Variants in CDIN1 observed in about 807,000 individuals in gnomAD.
CDIN1 encodes CDAN1-interacting nuclease 1.
Under a neutral mutation model 45.3 loss-of-function variants are expected in CDIN1, and 33 were observed. The ratio of observed to expected loss-of-function variants is 0.73; its 90% confidence interval spans 0.55 to 0.97. CDIN1 has a LOEUF of 0.97. CDIN1 is among the 50% of genes least tolerant of loss of function. CDIN1 has a pLI of 0.00. For missense variants in CDIN1, 303 were observed against 339.4 expected, an observed-to-expected ratio of 0.89 and a Z score of 0.84; for synonymous variants, 118 against 124.4, an observed-to-expected ratio of 0.95 and a Z score of 0.34.
Position 36,695,498 on chromosome 15 carries a change from G to T in CDIN1, c.477-1825G>T, listed in dbSNP as rs561818866. Among the ~76,000 whole-genome samples the T allele has an allele frequency of 3.3e-5, 5 of 152,164 alleles. No homozygotes were observed. The East Asian group carries it at 7.7e-4, about 24-fold the overall frequency. The stretch of plus-strand genomic sequence containing the variant: ...CTGATTTCATTATTTACCAGCCACG[G>T]GACCTTCAGCAAATTCCCCAGCCTC... On this transcript the variant is annotated intron_variant, in intron 7 of 10. Coordinates refer to ENST00000566621, the MANE Select transcript of CDIN1 (RefSeq NM_001321759.2).
chr15:36,797,880 T>C (rs2054863313), intron 10 of CDIN1, among the ~76,000 whole-genome samples: 1 of 151,106 alleles, frequency 6.6e-6, no homozygotes, highest in Non-Finnish European at 1.5e-5. Flanking sequence ...CTCAGGAGAC[T>C]GAGGCAGGAG....
chr15:36,709,001 G>A lies in CDIN1; in HGVS notation c.545-222G>A, dbSNP rs966629725. On this transcript the variant is annotated intron_variant, in intron 8 of 10. Transcript: ENST00000566621. ...TTGAACTCGTGATGTTTATAATAAC[G>A]AAAACATGCAGAAAAATAATGAAAG... The A allele has an allele frequency of 3.4e-4, 129 of 375,952 alleles. No individual in the cohort carries two copies. In the East Asian group the frequency reaches 4.5e-3, roughly 13 times the overall value. The allele number at this position is 375,952 out of a possible 1,614,324, so 23.3% of individuals were successfully genotyped here. A position where few individuals can be genotyped will look rare whatever the true frequency, so the allele number is the denominator to read the frequency against.
At chr15:36,755,965 A>T (rs1034999444) in intron 10 of CDIN1, 2 of 424,124 alleles carry the variant, frequency 4.7e-6, no homozygotes, top group Non-Finnish European at 4.7e-6. Context: ...GTATTTCGAG[A>T]ATATGGGAGA....
At chr15:36,697,285 A>G (rs1934200544) in intron 7 of CDIN1, 38 bp from the exon 8 acceptor site, 25 of 1,584,408 alleles carry the variant, frequency 1.6e-5, no homozygotes, top group Non-Finnish European at 2.2e-5. Flanking sequence ...TGCTGGTATA[A>G]TTCTGCCTGT....
chr15:36,676,022 C>T (rs192266967), intron 5 of CDIN1, among the ~76,000 whole-genome samples: 3 of 151,962 alleles, frequency 2.0e-5, no homozygotes, highest in African/African-American at 4.8e-5. Flanking sequence ...AATTGAATAG[C>T]GGTGTTTTCC....
chr15:36,688,455 C>T (rs2042135583), intron 5 of CDIN1, among the ~76,000 whole-genome samples: 1 of 152,164 alleles, frequency 6.6e-6, no homozygotes, highest in Admixed American at 6.6e-5. Context: ...TACCAAGTCT[C>T]TCCTATTCTT....
chr15:36,615,065 A>G (rs983409964), intron 1 of CDIN1, among the ~76,000 whole-genome samples: 5 of 152,200 alleles, frequency 3.3e-5, no homozygotes, highest in African/African-American at 1.2e-4. Context: ...CTGGGTTTGA[A>G]GCTGCTGTCT....
chr15:36,590,142 T>A (rs2037506836), intron 1 of CDIN1, among the ~76,000 whole-genome samples: 2 of 152,206 alleles, frequency 1.3e-5, no homozygotes. Context: ...TTTCTATTCA[T>A]TCTGGCTTCG....
intron 10 of CDIN1, among the ~76,000 whole-genome samples, chr15:36,718,826 T>G (rs1478517366): frequency 6.7e-6 from 1 of 149,256 alleles, no homozygotes; most frequent in Non-Finnish European, 1.5e-5. Flanking sequence ...TTTTTTTTTT[T>G]TTTTTTTTTG....
At chr15:36,610,959 C>A (rs1265746612) in intron 1 of CDIN1, among the ~76,000 whole-genome samples, 1 of 152,126 alleles carries the variant, frequency 6.6e-6, no homozygotes, top group African/African-American at 2.4e-5. Context: ...TTCTCACATG[C>A]CACTAAAAAT....
intron 1 of CDIN1, among the ~76,000 whole-genome samples, chr15:36,597,603 A>G (rs1400004652): frequency 4.6e-5 from 7 of 152,044 alleles, no homozygotes; most frequent in African/African-American, 9.7e-5. Flanking sequence ...GAACTTTACT[A>G]TTTTTTATAT....
rs551674477 is a variant in CDIN1 at position 36,804,310 on chromosome 15, C to A, written c.717-4014C>A. 1.2e-4 allele frequency among the ~76,000 whole-genome samples: 18 copies of A among 152,268 alleles called. No individual in the cohort carries two copies. In the East Asian group the frequency reaches 2.9e-3, roughly 25 times the overall value. ...TAAGTATGCCACTAGTGTGCTCACTCTGGTCATTAATAAAATTGCCATGCC... is the reference window on the plus strand; with the variant it reads ...TAAGTATGCCACTAGTGTGCTCACTATGGTCATTAATAAAATTGCCATGCC... On this transcript the variant is annotated intron_variant, in intron 10 of 10. Transcript: ENST00000566621.
At chr15:36,582,196 A>G (rs544170018) in intron 1 of CDIN1, among the ~76,000 whole-genome samples, 148 of 152,344 alleles carry the variant, frequency 9.7e-4, no homozygotes, top group African/African-American at 3.3e-3. Context: ...TTAAATCTGA[A>G]TAATATACTT....
intron 5 of CDIN1, among the ~76,000 whole-genome samples, chr15:36,666,565 A>G (rs1184997927): frequency 1.3e-5 from 2 of 152,100 alleles, no homozygotes; most frequent in Non-Finnish European, 2.9e-5. Context: ...ATTTTCTCCC[A>G]TTTGATTTTC....
At chr15:36,689,485 C>G (rs1358076001) in intron 5 of CDIN1, among the ~76,000 whole-genome samples, 1 of 152,108 alleles carries the variant, frequency 6.6e-6, no homozygotes, top group Non-Finnish European at 1.5e-5. Flanking sequence ...AGAAGGTGCT[C>G]CTATTTTCTT....
chr15:36,776,617 T>G (rs959234548), intron 10 of CDIN1, among the ~76,000 whole-genome samples: 2 of 152,220 alleles, frequency 1.3e-5, no homozygotes, highest in East Asian at 3.8e-4. Context: ...TTATATTGTT[T>G]CTGCAGTATG....
intron 1 of CDIN1, chr15:36,614,331 C>A (rs1361511812): frequency 5.5e-6 from 3 of 548,400 alleles, no homozygotes; most frequent in South Asian, 1.5e-5. Context: ...TTTCGCCACC[C>A]CCTTCTCCCC....
At chr15:36,591,582 A>G (rs992370565) in intron 1 of CDIN1, among the ~76,000 whole-genome samples, 5 of 152,198 alleles carry the variant, frequency 3.3e-5, no homozygotes, top group Admixed American at 2.6e-4. Flanking sequence ...TTTAACCTCA[A>G]GTTTATAACA....
intron 4 of CDIN1, 67 bp downstream of exon 4, chr15:36,654,225 T>G (rs1288950639): frequency 7.7e-7 from 1 of 1,305,548 alleles, no homozygotes; most frequent in Non-Finnish European, 1.1e-6. Flanking sequence ...AGAGTAACTT[T>G]GCTTACAATT....
Sources: gnomAD v4.1 joint callset for allele counts (sites outside exome capture counted in the v4.1 genomes callset) on GRCh38, gnomAD v4.1.1 for gene constraint, MANE v1.5 for transcripts, NCBI Gene and HGNC (gene_info 2026-07-23, HGNC 2026-07-21) for gene names.